ENTREP2: variants seen among roughly 807,000 people sequenced by gnomAD.
ENTREP2 encodes the protein endosomal transmembrane epsin interactor 2.
the ENTREP2 span, among the ~76,000 whole-genome samples, chr15:29,469,777 A>AT: frequency 9.1e-5 from 10 of 109,862 alleles, no homozygotes; most frequent in East Asian, 2.6e-4. Context: ...TTAATAAATT[A>AT]ATTTTTTTTA....
At chr15:29,211,839 T>G in the ENTREP2 span, among the ~76,000 whole-genome samples, 2 of 151,938 alleles carry the variant, frequency 1.3e-5, no homozygotes, top group African/African-American at 4.9e-5. Flanking sequence ...CACTTGGTCA[T>G]GGTGGATTAT....
chr15:29,296,844 G>A, the ENTREP2 span, among the ~76,000 whole-genome samples: 3 of 152,164 alleles, frequency 2.0e-5, no homozygotes, highest in Admixed American at 6.5e-5. Context: ...CAGCTCTAGA[G>A]TAAGGGTTAC....
chr15:29,490,958 G>C, the ENTREP2 span, among the ~76,000 whole-genome samples: 1 of 152,170 alleles, frequency 6.6e-6, no homozygotes, highest in Admixed American at 6.5e-5. Flanking sequence ...CAGGAGGCTC[G>C]GGCAGCACGG....
the ENTREP2 span, among the ~76,000 whole-genome samples, chr15:29,489,734 C>A: frequency 6.6e-6 from 1 of 152,198 alleles, no homozygotes; most frequent in African/African-American, 2.4e-5. Flanking sequence ...CTTAACAGCA[C>A]TCTAGGTGAA....
chr15:29,173,574 C>T, the ENTREP2 span, among the ~76,000 whole-genome samples: 72 of 152,168 alleles, frequency 4.7e-4, no homozygotes, highest in Middle Eastern at 3.4e-3. Flanking sequence ...GGGAGGATTC[C>T]GCCAGGGTGT....
chr15:29,130,427 C>T, the ENTREP2 span, among the ~76,000 whole-genome samples: 145 of 152,280 alleles, frequency 9.5e-4, no homozygotes, highest in Non-Finnish European at 1.6e-3. Context: ...AATGTCCTAA[C>T]GGTTTGTTTC....
the ENTREP2 span, among the ~76,000 whole-genome samples, chr15:29,210,248 G>A: frequency 6.6e-6 from 1 of 152,162 alleles, no homozygotes; most frequent in Non-Finnish European, 1.5e-5. Flanking sequence ...GACAACTGGG[G>A]GCTACTCCTA....
the ENTREP2 span, among the ~76,000 whole-genome samples, chr15:29,615,462 C>T: frequency 6.6e-6 from 1 of 152,084 alleles, no homozygotes; most frequent in Non-Finnish European, 1.5e-5. Flanking sequence ...CCCCCTCTCA[C>T]ATTTTGGATC....
the ENTREP2 span, among the ~76,000 whole-genome samples, chr15:29,309,518 G>T: frequency 6.6e-6 from 1 of 152,046 alleles, no homozygotes; most frequent in Admixed American, 6.6e-5. Flanking sequence ...GGTGGCTCAC[G>T]CATGTAATTC....
the ENTREP2 span, among the ~76,000 whole-genome samples, chr15:29,135,278 C>T: frequency 6.6e-6 from 1 of 152,146 alleles, no homozygotes; most frequent in African/African-American, 2.4e-5. This position sits in a 1 kb window ranked among gnomAD's most constrained non-coding sequence, Gnocchi z 7.4. Flanking sequence ...GGACTGTCGG[C>T]CTCTCTAGCA....
At chr15:29,483,467 T>C in the ENTREP2 span, among the ~76,000 whole-genome samples, 32 of 152,338 alleles carry the variant, frequency 2.1e-4, no homozygotes, top group Middle Eastern at 3.4e-3. Flanking sequence ...TAATTTTATG[T>C]TTTACACTTA....
chr15:29,328,938 C>T, the ENTREP2 span, among the ~76,000 whole-genome samples: 1 of 152,012 alleles, frequency 6.6e-6, no homozygotes, highest in East Asian at 1.9e-4. Context: ...ATTCTAATAC[C>T]CCTGTAGGTG....
At chr15:29,571,970 C>G in the ENTREP2 span, among the ~76,000 whole-genome samples, 1 of 152,180 alleles carries the variant, frequency 6.6e-6, no homozygotes, top group Non-Finnish European at 1.5e-5. Context: ...TCTTCCGTGT[C>G]TTTCTAGCAG....
At chr15:29,592,856 C>G in the ENTREP2 span, among the ~76,000 whole-genome samples, 4 of 152,180 alleles carry the variant, frequency 2.6e-5, no homozygotes, top group Non-Finnish European at 5.9e-5. Context: ...TCCCTTCTCT[C>G]TTGCTTCCTC....
chr15:29,153,337 A>G, the ENTREP2 span, among the ~76,000 whole-genome samples: 1 of 152,162 alleles, frequency 6.6e-6, no homozygotes, highest in Non-Finnish European at 1.5e-5. Context: ...AACAACAGTC[A>G]CTTCTCACAG....
At chr15:29,314,901 A>C in the ENTREP2 span, among the ~76,000 whole-genome samples, 1 of 152,036 alleles carries the variant, frequency 6.6e-6, no homozygotes, top group Admixed American at 6.5e-5. Flanking sequence ...AAAATACAAA[A>C]ATTAGCCAGG....
chr15:29,288,948 C>T, the ENTREP2 span, among the ~76,000 whole-genome samples: 13 of 152,138 alleles, frequency 8.5e-5, no homozygotes, highest in Non-Finnish European at 2.9e-5. Context: ...AGGCTCACGC[C>T]TGTAATTCCA....
chr15:29,503,359 T>A, the ENTREP2 span, among the ~76,000 whole-genome samples: 1 of 152,178 alleles, frequency 6.6e-6, no homozygotes, highest in Non-Finnish European at 1.5e-5. Flanking sequence ...ATTGTATGAT[T>A]CCAGTTATGT....
the ENTREP2 span, among the ~76,000 whole-genome samples, chr15:29,515,869 G>A: frequency 1.3e-5 from 2 of 152,044 alleles, no homozygotes; most frequent in South Asian, 4.1e-4. Flanking sequence ...TCTCTGCAGT[G>A]GTAGAAATGT....
Sources: allele counts gnomAD v4.1 joint callset (sites outside exome capture counted in the v4.1 genomes callset), GRCh38; gene constraint gnomAD v4.1.1; non-coding constraint Gnocchi (gnomAD v3.1); transcripts MANE v1.5; gene names NCBI Gene and HGNC (gene_info 2026-07-23, HGNC 2026-07-21).